The following TMEM117 variants were observed in gnomAD, a reference collection of about 807,000 sequenced individuals.
TMEM117 encodes the protein transmembrane protein 117.
In TMEM117, 27 loss-of-function variants were observed where a neutral mutation model predicts 52.4. The ratio of observed to expected loss-of-function variants is 0.51; its 90% CI spans 0.38 to 0.71. TMEM117 has a LOEUF of 0.71. Among genes scored for constraint, TMEM117 ranks in the 30% least tolerant of loss-of-function variants. The pLI, the probability that TMEM117 is intolerant of heterozygous loss-of-function variation, is 0.00. For missense variants in TMEM117, 556 were observed against 630.5 expected, an observed-to-expected ratio of 0.88 and a Z score of 1.26; for synonymous variants, 215 against 206.3, an observed-to-expected ratio of 1.04 and a Z score of -0.36.
intron 6 of TMEM117, among the ~76,000 whole-genome samples, chr12:44,339,979 A>G (rs1262575481): frequency 6.6e-6 from 1 of 152,136 alleles, no homozygotes; most frequent in Non-Finnish European, 1.5e-5. Flanking sequence ...ACTGCCAGAT[A>G]TTAAAATATT....
intron 6 of TMEM117, among the ~76,000 whole-genome samples, chr12:44,335,030 T>A (rs1431616207): frequency 6.6e-6 from 1 of 151,958 alleles, no homozygotes; most frequent in Admixed American, 6.6e-5. Context: ...CATGGAAAAT[T>A]TGGGACTTTG....
chr12:44,085,612 T>C (rs1452000428), intron 3 of TMEM117, among the ~76,000 whole-genome samples: 1 of 152,186 alleles, frequency 6.6e-6, no homozygotes, highest in East Asian at 1.9e-4. Flanking sequence ...TTGAGAAACA[T>C]ATGTTTAGGG....
intron 6 of TMEM117, among the ~76,000 whole-genome samples, chr12:44,362,193 C>T (rs1951730145): frequency 6.6e-6 from 1 of 151,972 alleles, no homozygotes; most frequent in Non-Finnish European, 1.5e-5. Context: ...ATTCTTTTAC[C>T]TGTCACTCCC....
intron 6 of TMEM117, among the ~76,000 whole-genome samples, chr12:44,363,702 C>T (rs1258055674): frequency 6.6e-6 from 1 of 152,096 alleles, no homozygotes; most frequent in Non-Finnish European, 1.5e-5. Flanking sequence ...AATGTTCTTC[C>T]TATGTTTTGT....
chr12:44,261,125 A>T (rs1024919534), intron 5 of TMEM117, among the ~76,000 whole-genome samples: 14 of 130,906 alleles, frequency 1.1e-4, no homozygotes, highest in African/African-American at 3.3e-4. Flanking sequence ...ACATTTTTTT[A>T]AAAAAATCAA....
At chr12:44,325,675 C>T (rs1257198372) in intron 6 of TMEM117, among the ~76,000 whole-genome samples, 1 of 151,850 alleles carries the variant, frequency 6.6e-6, no homozygotes, top group South Asian at 2.1e-4. Flanking sequence ...CATATTTGTT[C>T]TGAGTTTTAT....
chr12:44,390,383 A>T (rs1952155363), downstream of TMEM117, among the ~76,000 whole-genome samples: 1 of 152,136 alleles, frequency 6.6e-6, no homozygotes, highest in Non-Finnish European at 1.5e-5. Context: ...GTAAATAATA[A>T]CACCTAGTAC....
intron 3 of TMEM117, among the ~76,000 whole-genome samples, chr12:44,073,115 C>A (rs201726896): frequency 1.4e-5 from 2 of 146,530 alleles, no homozygotes; most frequent in South Asian, 4.8e-4. Flanking sequence ...AACAAAAAAA[C>A]AACCCACATT....
chr12:44,275,577 A>G (rs1444916299), intron 5 of TMEM117, among the ~76,000 whole-genome samples: 1 of 152,176 alleles, frequency 6.6e-6, no homozygotes, highest in Admixed American at 6.5e-5. Flanking sequence ...CAGATAAAGA[A>G]AATGTGGTAC....
intron 2 of TMEM117, among the ~76,000 whole-genome samples, chr12:43,846,839 ATAAC>A (rs1215218919): frequency 7.2e-5 from 11 of 152,126 alleles, no homozygotes; most frequent in Admixed American, 3.9e-4. Flanking sequence ...AAATAAATAA[ATAAC>A]TATCCGTACA....
At chr12:43,960,621 T>C (rs951021392) in intron 3 of TMEM117, among the ~76,000 whole-genome samples, 1 of 152,158 alleles carries the variant, frequency 6.6e-6, no homozygotes, top group Non-Finnish European at 1.5e-5. Flanking sequence ...TTTGACACAC[T>C]TAAGAGGTGT....
chr12:43,945,514 G>A (rs571186300), intron 3 of TMEM117, among the ~76,000 whole-genome samples: 8 of 152,110 alleles, frequency 5.3e-5, no homozygotes, highest in Non-Finnish European at 1.0e-4. Context: ...GTAGAGGTGG[G>A]ATTTCACCAT....
At chr12:44,207,927 T>G (rs187575003) in intron 4 of TMEM117, among the ~76,000 whole-genome samples, 1,740 of 152,242 alleles carry the variant, frequency 0.011, 22 homozygotes, top group South Asian at 0.052. Context: ...CATTGACTTC[T>G]CTTCCTCCAT....
At chr12:43,979,782 C>G (rs1490225876) in intron 3 of TMEM117, among the ~76,000 whole-genome samples, 1 of 152,076 alleles carries the variant, frequency 6.6e-6, no homozygotes, top group Admixed American at 6.6e-5. Flanking sequence ...TAAATTGCTC[C>G]TCAACTAATT....
chr12:44,000,710 C>T (rs893237485), intron 3 of TMEM117, among the ~76,000 whole-genome samples: 7 of 152,080 alleles, frequency 4.6e-5, no homozygotes, highest in South Asian at 2.1e-4. Flanking sequence ...ATTGAATCTC[C>T]CTGGAGAGAA....
chr12:44,212,004 A>G (rs931628845), intron 5 of TMEM117, among the ~76,000 whole-genome samples: 4 of 152,264 alleles, frequency 2.6e-5, no homozygotes, highest in East Asian at 1.9e-4. Context: ...CCCAAGCACA[A>G]TGATTCTGTG....
intron 5 of TMEM117, among the ~76,000 whole-genome samples, chr12:44,270,124 C>G (rs967741904): frequency 6.6e-6 from 1 of 152,026 alleles, no homozygotes; most frequent in African/African-American, 2.4e-5. Context: ...TAGGCACACC[C>G]AAATAGCACA....
chr12:44,097,007 C>G (rs1652109076), intron 3 of TMEM117, among the ~76,000 whole-genome samples: 2 of 152,000 alleles, frequency 1.3e-5, no homozygotes, highest in Non-Finnish European at 2.9e-5. Flanking sequence ...TGAACTCAAA[C>G]AAATTTACAA....
intron 5 of TMEM117, among the ~76,000 whole-genome samples, chr12:44,216,000 TCTTTC>T (rs1401035425): frequency 7.3e-6 from 1 of 136,976 alleles, no homozygotes; most frequent in African/African-American, 3.2e-5. Flanking sequence ...TTTCTTTCTT[TCTTTC>T]TTTTTTTTTT....
Sources: gnomAD v4.1 joint callset for allele counts (sites outside exome capture counted in the v4.1 genomes callset) on GRCh38, gnomAD v4.1.1 for gene constraint, MANE v1.5 for transcripts, NCBI Gene and HGNC (gene_info 2026-07-23, HGNC 2026-07-21) for gene names.